The following CLIC5 variants were observed in gnomAD, a reference collection of about 807,000 sequenced individuals.
The protein encoded by CLIC5 is chloride intracellular channel protein 5.
A neutral mutation model predicts 24.7 loss-of-function variants in CLIC5; 20 were observed. The ratio of observed to expected loss-of-function variants is 0.81; its 90% CI spans 0.57 to 1.18. The LOEUF (loss-of-function observed/expected upper bound fraction) is 1.18, where lower values mean the gene tolerates loss of function less well. Ranked by LOEUF, CLIC5 falls within the 50% of genes most tolerant of loss-of-function variation. The pLI, the probability that CLIC5 is intolerant of heterozygous loss-of-function variation, is 0.00. For synonymous variants in CLIC5, 159 were observed against 135.6 expected, an observed-to-expected ratio of 1.17 and a Z score of -1.20; for missense variants, 341 against 326.1, an observed-to-expected ratio of 1.05 and a Z score of -0.35.
At chr6:46,080,247 A>G in exon 1 of CLIC5, 4 of 1,548,592 alleles carry the variant, frequency 2.6e-6, no homozygotes, top group Non-Finnish European at 3.5e-6. Flanking sequence ...ATTCATGCTT[A>G]TTGATCCGAG....
At chr6:46,107,536 T>C in the CLIC5 span, among the ~76,000 whole-genome samples, 121 of 152,348 alleles carry the variant, frequency 7.9e-4, no homozygotes, top group Middle Eastern at 6.8e-3. Context: ...GTGATTAATA[T>C]GTGTAATTAA....
At chr6:46,016,372 T>G (rs1767009548), upstream of CLIC5, among the ~76,000 whole-genome samples, 1 of 152,066 alleles carries the variant, frequency 6.6e-6, no homozygotes, top group Non-Finnish European at 1.5e-5. Context: ...AAAAGGGGCA[T>G]TTGCCATCCT....
rs1350265164 is a variant in CLIC5, at chr6:45,912,657, G to T, written c.588+1571C>A. On this transcript the variant is annotated intron_variant, in intron 5 of 5. Transcript: ENST00000339561. ...GCAGCAAATACAGGACCGGAACTCG[G>T]GTCTCCTGATCTTTGCATTGTATCA... 4 of 1,531,868 alleles carry T rather than the reference G, an allele frequency of 2.6e-6. No homozygotes were observed. The African/African-American group carries it at 4.1e-5, about 16-fold the overall frequency. The allele number at this position is 1,531,868 out of a possible 1,614,324, so 94.9% of individuals were successfully genotyped here.
chr6:45,988,541 G>A (rs1164941417), intron 1 of CLIC5, among the ~76,000 whole-genome samples: 1 of 152,178 alleles, frequency 6.6e-6, no homozygotes, highest in African/African-American at 2.4e-5. Context: ...AGGGGCTTTA[G>A]GAATCATCTG....
At chr6:46,017,990 G>A (rs1005559072), upstream of CLIC5, among the ~76,000 whole-genome samples, 11 of 152,078 alleles carry the variant, frequency 7.2e-5, no homozygotes, top group African/African-American at 2.7e-4. Flanking sequence ...CCTCCTGCTT[G>A]GCTTCAGGCT....
rs188181419 is a variant in CLIC5 at position 45,956,837 on chromosome 6, C to T, written c.64-1593G>A. 2.1e-3 allele frequency among the ~76,000 whole-genome samples: 324 copies of T among 152,262 alleles called. 1 individual carries two copies. Among genetic ancestry groups the T allele is most frequent in the Non-Finnish European group, 3.8e-3 (259 of 68,024 alleles). ...CTGAGTCTTGAGAAAGCACGGACTC[C>T]GTTATATAAAATGGGAAAGGTAGGA... is the stretch of plus-strand genomic sequence containing the variant. On this transcript the variant is annotated intron_variant, in intron 1 of 5. Transcript: ENST00000339561.
rs34976541 is a variant in CLIC5 at position 45,939,217 on chromosome 6, C to CTTT, written c.406+2327_406+2329dup. On this transcript the variant is annotated intron_variant, in intron 4 of 5. Coordinates refer to ENST00000339561, the MANE Select transcript of CLIC5 (RefSeq NM_016929.5). ...ACATGTCTGTGTCCTCTCCTCTCCT[C>CTTT]TTTTTTTTTTTTTTTTTTTTTTGAG... 7.9e-4 allele frequency among the ~76,000 whole-genome samples: 91 copies of CTTT among 115,768 alleles called. 1 individual carries two copies. Among genetic ancestry groups the CTTT allele is most frequent in the African/African-American group, 1.3e-3 (35 of 26,778 alleles). The allele number at this position is 115,768 out of a possible 152,430, so 75.9% of individuals were successfully genotyped here. A position where few individuals can be genotyped will look rare whatever the true frequency, so the allele number is the denominator to read the frequency against.
chr6:45,920,577 A>T (rs1009282058), intron 4 of CLIC5: 1 of 556,876 alleles, frequency 1.8e-6, no homozygotes, highest in Non-Finnish European at 2.3e-6. Context: ...ACTTGTTGAC[A>T]TTTGATAGTT....
At chr6:45,968,248 T>C (rs1002765486) in intron 1 of CLIC5, among the ~76,000 whole-genome samples, 9 of 152,202 alleles carry the variant, frequency 5.9e-5, no homozygotes, top group Non-Finnish European at 8.8e-5. Context: ...CACTTGTATC[T>C]CTCAATGCCA....
chr6:45,943,259 C>T (rs1764190703), intron 3 of CLIC5, among the ~76,000 whole-genome samples: 1 of 152,252 alleles, frequency 6.6e-6, no homozygotes, highest in Non-Finnish European at 1.5e-5. Context: ...TGTGTGGCTT[C>T]TCATAAACTC....
At chr6:45,924,698 A>G (rs1173841248) in intron 4 of CLIC5, among the ~76,000 whole-genome samples, 1 of 152,170 alleles carries the variant, frequency 6.6e-6, no homozygotes, top group Non-Finnish European at 1.5e-5. Flanking sequence ...TTGAAAGTGA[A>G]TATATAAGAA....
the CLIC5 span, among the ~76,000 whole-genome samples, chr6:46,108,852 T>C: frequency 1.3e-5 from 2 of 152,214 alleles, no homozygotes; most frequent in African/African-American, 4.8e-5. Context: ...AAAATCATAT[T>C]TCAAATTCCA....
intron 2 of CLIC5, among the ~76,000 whole-genome samples, chr6:45,952,421 T>C (rs959264524): frequency 1.3e-5 from 2 of 152,090 alleles, no homozygotes; most frequent in African/African-American, 4.8e-5. Flanking sequence ...ATGCAACGAG[T>C]TCTTGCTATG....
At chr6:46,128,197 T>C in the CLIC5 span, among the ~76,000 whole-genome samples, 1 of 152,186 alleles carries the variant, frequency 6.6e-6, no homozygotes, top group African/African-American at 2.4e-5. Flanking sequence ...CACTTTATCT[T>C]ACAGAGCAAG....
At chr6:46,121,082 G>A in the CLIC5 span, among the ~76,000 whole-genome samples, 1 of 152,002 alleles carries the variant, frequency 6.6e-6, no homozygotes, top group East Asian at 1.9e-4. Context: ...TACAGAGAAT[G>A]CCACCAAGAT....
intron 2 of CLIC5, among the ~76,000 whole-genome samples, chr6:45,952,305 C>T (rs777544363): frequency 2.0e-5 from 3 of 152,174 alleles, no homozygotes; most frequent in Non-Finnish European, 2.9e-5. Context: ...CATTGGATGA[C>T]GTATTGCCAG....
chr6:46,015,425 G>C (rs1255960055), intron 1 of CLIC5, 55 bp downstream of exon 1: 1 of 1,463,176 alleles, frequency 6.8e-7, no homozygotes, highest in Admixed American at 2.3e-5. Context: ...AGCCCTGGTG[G>C]GTGAGCCCGG....
upstream of CLIC5, chr6:46,080,495 T>A (rs1379967495): frequency 4.4e-6 from 2 of 453,460 alleles, no homozygotes; most frequent in Non-Finnish European, 3.9e-6. Context: ...ATATTTTTAT[T>A]AGACCCTGGG....
At chr6:46,046,515 C>T (rs569258076) in intron 1 of CLIC5, among the ~76,000 whole-genome samples, 2 of 152,290 alleles carry the variant, frequency 1.3e-5, no homozygotes, top group South Asian at 2.1e-4. Flanking sequence ...TGAGATTAGA[C>T]ATTTTACTTA....
Sources: allele counts gnomAD v4.1 joint callset (sites outside exome capture counted in the v4.1 genomes callset), GRCh38; gene constraint gnomAD v4.1.1; transcripts MANE v1.5; gene names NCBI Gene and HGNC (gene_info 2026-07-23, HGNC 2026-07-21).